PTPRD: variants seen among roughly 807,000 people sequenced by gnomAD.
The protein encoded by PTPRD is receptor-type tyrosine-protein phosphatase delta.
In PTPRD, 34 loss-of-function variants were observed where a neutral mutation model predicts 214.5. The observed-to-expected ratio is 0.16, with a 90% CI of 0.12 to 0.21. The LOEUF (loss-of-function observed/expected upper bound fraction) is 0.21, where lower values mean the gene tolerates loss of function less well. Ranked by LOEUF, PTPRD falls within the 10% of genes least tolerant of loss-of-function variation. The pLI, the probability that PTPRD is intolerant of heterozygous loss-of-function variation, is 1.00. For synonymous variants in PTPRD, 1,128 were observed against 845.7 expected (o/e 1.33, Z -5.79); for missense variants, 2,545 against 2,398.7 (o/e 1.06, Z -1.27).
intron 6 of PTPRD, among the ~76,000 whole-genome samples, chr9:9,743,997 T>A (rs546216987): frequency 1.3e-5 from 2 of 152,140 alleles, no homozygotes; most frequent in Non-Finnish European, 2.9e-5. Context: ...ATAATGCATC[T>A]GAGTGGGCAG....
chr9:10,251,625 A>G (rs2092778143), intron 3 of PTPRD, among the ~76,000 whole-genome samples: 1 of 152,228 alleles, frequency 6.6e-6, no homozygotes, highest in African/African-American at 2.4e-5. Context: ...CACAGAGCAC[A>G]TGGCAACCAC....
chr9:8,673,223 T>C (rs1596562485), intron 12 of PTPRD, among the ~76,000 whole-genome samples: 1 of 152,034 alleles, frequency 6.6e-6, no homozygotes, highest in Non-Finnish European at 1.5e-5. Flanking sequence ...AACACACACA[T>C]ACGCACAGCT....
chr9:9,294,290 T>G (rs931557239), intron 9 of PTPRD, among the ~76,000 whole-genome samples: 2 of 151,736 alleles, frequency 1.3e-5, no homozygotes, highest in Admixed American at 1.3e-4. Context: ...CAAGGCTAAA[T>G]GAGGAGTACT....
intron 4 of PTPRD, among the ~76,000 whole-genome samples, chr9:10,026,071 A>T (rs935801445): frequency 6.6e-6 from 1 of 152,198 alleles, no homozygotes; most frequent in Non-Finnish European, 1.5e-5. Context: ...GTCTCTTGCA[A>T]TTGATGGTGT....
chr9:9,235,890 A>G (rs1182677297), intron 9 of PTPRD, among the ~76,000 whole-genome samples: 2 of 152,158 alleles, frequency 1.3e-5, no homozygotes, highest in African/African-American at 4.8e-5. Flanking sequence ...ATGATATTCT[A>G]AACATGGAAA....
At chr9:9,457,844 T>C (rs1290826341) in intron 8 of PTPRD, among the ~76,000 whole-genome samples, 1 of 152,044 alleles carries the variant, frequency 6.6e-6, no homozygotes, top group Non-Finnish European at 1.5e-5. Context: ...CAGGGCATTT[T>C]TTCCCCAAAG....
intron 14 of PTPRD, among the ~76,000 whole-genome samples, chr9:8,555,477 A>G (rs1216359155): frequency 6.6e-6 from 1 of 152,228 alleles, no homozygotes; most frequent in African/African-American, 2.4e-5. Flanking sequence ...GGAAGCTGAG[A>G]GTTAATGCAG....
At chr9:10,143,433 A>G (rs1298423473) in intron 3 of PTPRD, among the ~76,000 whole-genome samples, 2 of 152,082 alleles carry the variant, frequency 1.3e-5, no homozygotes, top group African/African-American at 4.8e-5. Flanking sequence ...GGCTCTGGAG[A>G]AAATGGAACA....
intron 8 of PTPRD, among the ~76,000 whole-genome samples, chr9:9,484,050 A>G (rs2095526745): frequency 6.6e-6 from 1 of 151,946 alleles, no homozygotes; most frequent in African/African-American, 2.4e-5. Flanking sequence ...TTATAAACTA[A>G]TGACCAGCTG....
intron 8 of PTPRD, among the ~76,000 whole-genome samples, chr9:9,422,204 G>C (rs2079075932): frequency 6.6e-6 from 1 of 152,066 alleles, no homozygotes; most frequent in African/African-American, 2.4e-5. Context: ...TTATTTTAAA[G>C]ATGAGAAAGC....
At chr9:10,503,155 G>C (rs1183845500) in intron 2 of PTPRD, among the ~76,000 whole-genome samples, 1 of 113,226 alleles carries the variant, frequency 8.8e-6, no homozygotes, top group East Asian at 2.9e-4. Flanking sequence ...TATCTGGAGA[G>C]TGAACAGTGA....
intron 3 of PTPRD, among the ~76,000 whole-genome samples, chr9:10,122,724 T>C (rs925687568): frequency 3.9e-5 from 6 of 152,210 alleles, no homozygotes; most frequent in Non-Finnish European, 5.9e-5. Flanking sequence ...TAGATATTAA[T>C]AGACAGGTAT....
At chr9:8,318,012 ATCAATATTGCATAAC>A in intron 45 of PTPRD, 70 bp from the exon 46 acceptor site, 3 of 1,457,346 alleles carry the variant, frequency 2.1e-6, no homozygotes, top group African/African-American at 1.4e-5. Context: ...AAAAATAAAA[ATCAATATTGCATAAC>A]AAAATAACAT....
chr9:9,413,940 A>G (rs1307260668), intron 8 of PTPRD, among the ~76,000 whole-genome samples: 1 of 152,248 alleles, frequency 6.6e-6, no homozygotes, highest in Admixed American at 6.5e-5. Context: ...TTAGGGAATG[A>G]ATCCACATTT....
chr9:9,835,002 T>C (rs1025698198), intron 5 of PTPRD, among the ~76,000 whole-genome samples: 2 of 152,020 alleles, frequency 1.3e-5, no homozygotes, highest in East Asian at 3.9e-4. Flanking sequence ...AAGAGAGTAC[T>C]TCTACCACCT....
intron 10 of PTPRD, among the ~76,000 whole-genome samples, chr9:9,103,940 G>T (rs2099794916): frequency 6.6e-6 from 1 of 152,080 alleles, no homozygotes. Flanking sequence ...CCAAGATGTT[G>T]CCACTGCACC....
chr9:8,846,041 G>C (rs2097688666), intron 11 of PTPRD, among the ~76,000 whole-genome samples: 1 of 152,168 alleles, frequency 6.6e-6, no homozygotes, highest in Non-Finnish European at 1.5e-5. Flanking sequence ...GTGCATCTGG[G>C]AATTGCTACC....
intron 12 of PTPRD, among the ~76,000 whole-genome samples, chr9:8,714,558 C>A (rs2098409498): frequency 6.6e-6 from 1 of 152,134 alleles, no homozygotes; most frequent in South Asian, 2.1e-4. Flanking sequence ...TTCTCCTAAT[C>A]CTTTACATTT....
chr9:8,756,629 T>C (rs551308844), intron 11 of PTPRD, among the ~76,000 whole-genome samples: 1 of 152,032 alleles, frequency 6.6e-6, no homozygotes, highest in Non-Finnish European at 1.5e-5. Context: ...GGAATTAAGG[T>C]CCAATCACCA....
Sources: allele counts gnomAD v4.1 joint callset (sites outside exome capture counted in the v4.1 genomes callset), GRCh38; gene constraint gnomAD v4.1.1; transcripts MANE v1.5; gene names NCBI Gene and HGNC (gene_info 2026-07-23, HGNC 2026-07-21).